Variants in CHN2 observed in about 807,000 individuals in gnomAD.
The protein encoded by CHN2 is chimerin 2.
A neutral mutation model predicts 56.3 loss-of-function variants in CHN2; 35 were observed. The observed-to-expected ratio is 0.62, with a 90% CI of 0.47 to 0.82. The LOEUF (loss-of-function observed/expected upper bound fraction) is 0.82. CHN2 is among the 40% of genes least tolerant of loss of function. The pLI, the probability that CHN2 is intolerant of heterozygous loss-of-function variation, is 0.00. For missense variants in CHN2, 491 were observed against 580.5 expected (o/e 0.85, Z 1.58); for synonymous variants, 210 against 212.8 (o/e 0.99, Z 0.12).
At chr7:29,287,354 G>GCATGGGT (rs1562891337) in intron 1 of CHN2, among the ~76,000 whole-genome samples, 2 of 152,134 alleles carry the variant, frequency 1.3e-5, no homozygotes, top group African/African-American at 4.8e-5. Flanking sequence ...AACTCTGGGG[G>GCATGGGT]CATGAGGGGG....
At chr7:29,398,670 C>T (rs1431649559) in intron 5 of CHN2, among the ~76,000 whole-genome samples, 184 bp downstream of exon 5, 1 of 152,106 alleles carries the variant, frequency 6.6e-6, no homozygotes, top group East Asian at 1.9e-4. Context: ...AATCATGGCT[C>T]ACTGCAGCCT....
At chr7:29,338,387 TGA>T (rs1796788001) in intron 1 of CHN2, among the ~76,000 whole-genome samples, 1 of 152,194 alleles carries the variant, frequency 6.6e-6, no homozygotes, top group South Asian at 2.1e-4. Context: ...GTGTCTAGTA[TGA>T]GAGACAGAAT....
intron 1 of CHN2, among the ~76,000 whole-genome samples, chr7:29,216,619 T>A (rs1181962337): frequency 6.6e-6 from 1 of 152,254 alleles, no homozygotes; most frequent in African/African-American, 2.4e-5. Flanking sequence ...CTCAGTGAGC[T>A]GGTTCAGGTC....
chr7:29,288,666 G>C (rs1161692831), intron 1 of CHN2, among the ~76,000 whole-genome samples: 1 of 152,140 alleles, frequency 6.6e-6, no homozygotes, highest in Non-Finnish European at 1.5e-5. Context: ...CACACAGAGA[G>C]GAACAATAAG....
chr7:29,348,821 A>C (rs1797665725), intron 1 of CHN2, among the ~76,000 whole-genome samples: 1 of 152,184 alleles, frequency 6.6e-6, no homozygotes, highest in African/African-American at 2.4e-5. Flanking sequence ...TATATAAGCA[A>C]TATATACAGA....
At chr7:29,173,093 T>A (rs1251471735) in intron 2 of CHN2, among the ~76,000 whole-genome samples, 1 of 147,672 alleles carries the variant, frequency 6.8e-6, no homozygotes. Flanking sequence ...ATTGCGCCAA[T>A]GTACTCCAGC....
chr7:29,195,246 T>C (rs1783532124), intron 1 of CHN2: 1 of 420,524 alleles, frequency 2.4e-6, no homozygotes, highest in East Asian at 3.9e-5. Flanking sequence ...TTCCGGGGCT[T>C]GGAGTGCAGC....
chr7:29,341,822 G>A (rs1797070235), intron 1 of CHN2, among the ~76,000 whole-genome samples: 2 of 152,144 alleles, frequency 1.3e-5, no homozygotes, highest in Admixed American at 1.3e-4. Context: ...TTCCTCCTAT[G>A]GGACTAGGGT....
intron 1 of CHN2, among the ~76,000 whole-genome samples, chr7:29,342,840 C>T (rs185388701): frequency 2.6e-5 from 4 of 152,328 alleles, no homozygotes; most frequent in Admixed American, 6.5e-5. Flanking sequence ...GGGCCGGATA[C>T]CCAGCAGGCA....
intron 1 of CHN2, among the ~76,000 whole-genome samples, chr7:29,296,244 C>T (rs567446168): frequency 7.9e-5 from 12 of 152,058 alleles, no homozygotes; most frequent in Non-Finnish European, 1.8e-4. Context: ...CCACCACGCC[C>T]AGCTAATTTT....
intron 12 of CHN2, 168 bp downstream of exon 12, chr7:29,509,574 A>G (rs1004244344): frequency 9.5e-6 from 5 of 528,860 alleles, no homozygotes; most frequent in African/African-American, 1.9e-5. Flanking sequence ...CGCCACTGTG[A>G]TGGCTCACGC....
intron 2 of CHN2, among the ~76,000 whole-genome samples, chr7:29,362,582 C>T (rs1028124381): frequency 1.3e-5 from 2 of 152,198 alleles, no homozygotes; most frequent in African/African-American, 2.4e-5. Flanking sequence ...ACATGGCCTT[C>T]TCACACATCC....
At chr7:29,195,989 C>T (rs1783678764) in intron 1 of CHN2, among the ~76,000 whole-genome samples, 1 of 152,076 alleles carries the variant, frequency 6.6e-6, no homozygotes, top group African/African-American at 2.4e-5. Flanking sequence ...GGGTAGTATA[C>T]AGTATTTAAG....
chr7:29,387,623 C>G (rs993387889), intron 3 of CHN2, among the ~76,000 whole-genome samples: 5 of 152,204 alleles, frequency 3.3e-5, no homozygotes, highest in Admixed American at 3.3e-4. Context: ...CTGCTGGCCC[C>G]GTGATCACAC....
chr7:29,180,044 C>T (rs1026098818), intron 2 of CHN2, among the ~76,000 whole-genome samples: 5 of 152,204 alleles, frequency 3.3e-5, no homozygotes, highest in Admixed American at 1.3e-4. Flanking sequence ...GTCCTTTCAT[C>T]AATGATGTAG....
intron 1 of CHN2, chr7:29,293,081 C>A: frequency 2.2e-6 from 1 of 450,898 alleles, no homozygotes; most frequent in Non-Finnish European, 4.5e-6. Flanking sequence ...AAAGACAGAG[C>A]TGTCAGGAGA....
chr7:29,333,203 A>C (rs1414472541), intron 1 of CHN2, among the ~76,000 whole-genome samples: 4 of 152,140 alleles, frequency 2.6e-5, no homozygotes, highest in Non-Finnish European at 5.9e-5. Context: ...ACAGAGCAGC[A>C]ATGGGAACAG....
intron 1 of CHN2, among the ~76,000 whole-genome samples, chr7:29,229,702 G>T (rs185543204): frequency 6.6e-6 from 1 of 152,316 alleles, no homozygotes; most frequent in Non-Finnish European, 1.5e-5. Context: ...TTTCACTGGG[G>T]CTGGGCGTGG....
chr7:29,340,824 G>T (rs760145844), intron 1 of CHN2, among the ~76,000 whole-genome samples: 1 of 152,212 alleles, frequency 6.6e-6, no homozygotes, highest in Non-Finnish European at 1.5e-5. Flanking sequence ...CACATAAAGG[G>T]TGCGCTTGTT....
Sources: gnomAD v4.1 joint callset for allele counts (sites outside exome capture counted in the v4.1 genomes callset) on GRCh38, gnomAD v4.1.1 for gene constraint, MANE v1.5 for transcripts, NCBI Gene and HGNC (gene_info 2026-07-23, HGNC 2026-07-21) for gene names.